PPIH: variants seen among roughly 807,000 people sequenced by gnomAD.
PPIH encodes peptidylprolyl isomerase H.
A neutral mutation model predicts 27.6 loss-of-function variants in PPIH; 16 were observed. The ratio of observed to expected loss-of-function variants is 0.58; its 90% confidence interval spans 0.39 to 0.88. The LOEUF (loss-of-function observed/expected upper bound fraction) is 0.88. Among genes scored for constraint, PPIH ranks in the 40% least tolerant of loss-of-function variants. PPIH has a pLI of 0.00. For missense variants in PPIH, 155 were observed against 224.1 expected, an observed-to-expected ratio of 0.69 and a Z score of 1.97; for synonymous variants, 63 against 76.1, an observed-to-expected ratio of 0.83 and a Z score of 0.90.
intron 5 of PPIH, among the ~76,000 whole-genome samples, chr1:42,664,578 G>A (rs1265001622): frequency 6.6e-6 from 1 of 152,168 alleles, no homozygotes; most frequent in Non-Finnish European, 1.5e-5. Flanking sequence ...CCTTGTTGCT[G>A]TTCCCTACTT....
At chr1:42,658,760 G>A (rs1648811795) in intron 1 of PPIH, 84 bp from the exon 2 acceptor site, 2 of 1,465,932 alleles carry the variant, frequency 1.4e-6, no homozygotes, top group Non-Finnish European at 1.9e-6. Flanking sequence ...CGGCAGGGTG[G>A]TGGGTCAGCC....
intron 8 of PPIH, 104 bp from the exon 9 acceptor site, chr1:42,667,247 A>G: frequency 1.0e-6 from 1 of 971,526 alleles, no homozygotes. Context: ...ACTGTTTCTG[A>G]GTGCTGAGTC....
At chr1:42,662,571 C>G (rs1377596836) in intron 5 of PPIH, among the ~76,000 whole-genome samples, 1 of 151,654 alleles carries the variant, frequency 6.6e-6, no homozygotes, top group Admixed American at 6.6e-5. Flanking sequence ...AAAAAAAAAG[C>G]TTGCTTAGAA....
chr1:42,662,022 T>TC (rs1649052697), intron 5 of PPIH, among the ~76,000 whole-genome samples: 1 of 152,310 alleles, frequency 6.6e-6, no homozygotes, highest in East Asian at 1.9e-4. Context: ...CGTTGCCTGC[T>TC]CCTGTGGGCA....
chr1:42,663,655 C>A (rs1363221099), intron 5 of PPIH, among the ~76,000 whole-genome samples: 2 of 152,188 alleles, frequency 1.3e-5, no homozygotes, highest in Non-Finnish European at 2.9e-5. Context: ...CCGCCTCAGC[C>A]TCCCAAAGTG....
chr1:42,668,027 T>C (rs1649437263), intron 9 of PPIH, among the ~76,000 whole-genome samples: 1 of 152,222 alleles, frequency 6.6e-6, no homozygotes, highest in Non-Finnish European at 1.5e-5. Flanking sequence ...GACAAAGAAT[T>C]GAAAGATGTC....
downstream of PPIH, among the ~76,000 whole-genome samples, chr1:42,679,458 G>A (rs901456698): frequency 3.9e-5 from 6 of 152,198 alleles, no homozygotes; most frequent in South Asian, 1.0e-3. Context: ...CCAAAGTGCT[G>A]AGGCATGAGC....
In PPIH at chr1:42,666,080, C is replaced by T. The variant is rs763494216; in HGVS notation, c.424+13C>T. 2.5e-5 allele frequency: 40 copies of T among 1,611,902 alleles called. No homozygotes were observed. The Middle Eastern group carries it at 5.0e-4, about 20-fold the overall frequency. ...CATGTGGTGTTTGGTAAGTCCTACT[C>T]CTGTCTCATGGTCCAGGCCCCATTC... On this transcript the variant is annotated intron_variant, in intron 7 of 9. Coordinates refer to ENST00000304979, the MANE Select transcript of PPIH (RefSeq NM_006347.4).
intron 3 of PPIH, 110 bp from the exon 4 acceptor site, chr1:42,659,412 T>A: frequency 6.2e-7 from 1 of 1,614,198 alleles, no homozygotes; most frequent in Non-Finnish European, 8.5e-7. Context: ...TTGCCTTCTT[T>A]ATGTCTGTCA....
intron 5 of PPIH, among the ~76,000 whole-genome samples, chr1:42,661,664 G>A (rs1649026599): frequency 6.6e-6 from 1 of 152,064 alleles, no homozygotes; most frequent in Non-Finnish European, 1.5e-5. Context: ...TCTTGGATCT[G>A]GGAGACATGT....
chr1:42,680,279 G>A (rs1232922118), downstream of PPIH, among the ~76,000 whole-genome samples: 1 of 152,216 alleles, frequency 6.6e-6, no homozygotes, highest in Non-Finnish European at 1.5e-5. Flanking sequence ...AGAGTTGCAA[G>A]TGTCTATTCT....
chr1:42,662,887 G>A (rs1361683368), intron 5 of PPIH, among the ~76,000 whole-genome samples: 1 of 151,634 alleles, frequency 6.6e-6, no homozygotes. Flanking sequence ...TACTTTTTTT[G>A]TACTTCATAA....
At chr1:42,666,201 A>G in intron 7 of PPIH, 134 bp downstream of exon 7, 1 of 839,744 alleles carries the variant, frequency 1.2e-6, no homozygotes. Context: ...GAAAACAGAA[A>G]TGGTGGGGAG....
intron 5 of PPIH, among the ~76,000 whole-genome samples, chr1:42,662,964 A>G (rs1649124763): frequency 6.6e-6 from 1 of 152,202 alleles, no homozygotes; most frequent in Non-Finnish European, 1.5e-5. Flanking sequence ...CTAATATTTC[A>G]TTATGAATAG....
At chr1:42,662,109 T>C (rs1183525035) in intron 5 of PPIH, among the ~76,000 whole-genome samples, 1 of 152,218 alleles carries the variant, frequency 6.6e-6, no homozygotes, top group Non-Finnish European at 1.5e-5. Context: ...AGCTATCCTC[T>C]GCCTTCTTTC....
downstream of PPIH, among the ~76,000 whole-genome samples, chr1:42,680,390 C>T (rs780658926): frequency 1.2e-4 from 18 of 152,194 alleles, no homozygotes; most frequent in Non-Finnish European, 2.2e-4. Context: ...CTGTTTGCTA[C>T]CTCTGCTCCT....
chr1:42,679,832 C>CA (rs1488089590), downstream of PPIH, among the ~76,000 whole-genome samples: 1 of 152,228 alleles, frequency 6.6e-6, no homozygotes, highest in Non-Finnish European at 1.5e-5. Context: ...ACATGAACAA[C>CA]AGCTGTGGAA....
intron 5 of PPIH, among the ~76,000 whole-genome samples, chr1:42,661,595 C>G (rs1649020606): frequency 6.6e-6 from 1 of 152,158 alleles, no homozygotes; most frequent in African/African-American, 2.4e-5. Flanking sequence ...TTACCCCCCA[C>G]TTCTGAATGG....
In PPIH at chr1:42,658,889, A is replaced by G; in HGVS notation, c.112A>G (p.Lys38Glu). Residue 38 changes from lysine to glutamate, a missense_variant, in exon 2 of 10, where the codon AAG becomes GAG. Lys to Glu is a moderately conservative substitution (Grantham distance 56). Around this residue, in one of 2 missense-constraint regions of PPIH, gnomAD observed 59 missense variants for 48.8 expected, o/e 1.21. Transcript: ENST00000304979. ...CGAGCTCTTTGCAGACGTTGTGCCTAAGACGGCCGAGAACTTTAGGTAAGG... is the reference window on the plus strand; with the variant it reads ...CGAGCTCTTTGCAGACGTTGTGCCTGAGACGGCCGAGAACTTTAGGTAAGG... ...KIELFADVVP[K>E]TAENFRQFCT... 1.2e-6 allele frequency: 2 copies of G among 1,614,186 alleles called. No homozygotes were observed. Among genetic ancestry groups the G allele is most frequent in the South Asian group, 1.1e-5 (1 of 91,082 alleles).
Sources: allele counts gnomAD v4.1 joint callset (sites outside exome capture counted in the v4.1 genomes callset), GRCh38; gene constraint gnomAD v4.1.1; regional missense constraint gnomAD v4.1.1; transcripts MANE v1.5; gene names NCBI Gene and HGNC (gene_info 2026-07-23, HGNC 2026-07-21).